SBF2: variants seen among roughly 807,000 people sequenced by gnomAD.
SBF2 encodes the protein SET binding factor 2.
Under a neutral mutation model 225.2 loss-of-function variants are expected in SBF2, and 112 were observed. That is an observed-to-expected ratio of 0.50 (90% CI 0.43 to 0.58). The LOEUF (loss-of-function observed/expected upper bound fraction) is 0.58, where lower values mean the gene tolerates loss of function less well. Among genes scored for constraint, SBF2 ranks in the 20% least tolerant of loss-of-function variants. The probability of loss-of-function intolerance (pLI) is 0.00; values close to 1 mark genes in which losing one functional copy is unlikely to be tolerated. For synonymous variants in SBF2, 763 were observed against 773.3 expected, an observed-to-expected ratio of 0.99 and a Z score of 0.22; for missense variants, 1,996 against 2,206.2, an observed-to-expected ratio of 0.90 and a Z score of 1.91.
intron 16 of SBF2, among the ~76,000 whole-genome samples, chr11:9,901,175 C>A (rs1273463744): frequency 2.0e-5 from 3 of 152,018 alleles, no homozygotes; most frequent in Non-Finnish European, 2.9e-5. Context: ...AATAAATTGG[C>A]AAGAAAGCAA....
At chr11:9,837,748 T>G (rs1855823209) in intron 26 of SBF2, among the ~76,000 whole-genome samples, 1 of 151,828 alleles carries the variant, frequency 6.6e-6, no homozygotes, top group East Asian at 1.9e-4. Flanking sequence ...GCAGAAAGCT[T>G]TTTTTTTGGA....
intron 1 of SBF2, among the ~76,000 whole-genome samples, chr11:10,223,395 C>T (rs1490031761): frequency 1.3e-5 from 1 of 77,484 alleles, no homozygotes; most frequent in African/African-American, 4.9e-5. Flanking sequence ...ACATATTTTG[C>T]ACATTATATA....
intron 2 of SBF2, among the ~76,000 whole-genome samples, chr11:10,111,375 T>C (rs1952832766): frequency 6.6e-6 from 1 of 152,196 alleles, no homozygotes; most frequent in South Asian, 2.1e-4. Flanking sequence ...CAAGAATATA[T>C]GTTTTAGGCT....
At chr11:9,792,812 G>GT (rs1274998981) in intron 33 of SBF2, among the ~76,000 whole-genome samples, 2 of 151,978 alleles carry the variant, frequency 1.3e-5, no homozygotes, top group African/African-American at 4.8e-5. Context: ...GAGTGCAGTG[G>GT]TGTGATCTCG....
At chr11:10,013,209 A>G (rs560266528) in intron 6 of SBF2, among the ~76,000 whole-genome samples, 80 of 152,346 alleles carry the variant, frequency 5.3e-4, no homozygotes, top group African/African-American at 1.9e-3. Flanking sequence ...TAATTCAGAC[A>G]GGCATCTGAC....
At chr11:9,858,417 C>T in intron 17 of SBF2, 21 bp from the exon 18 acceptor site, 1 of 1,613,554 alleles carries the variant, frequency 6.2e-7, no homozygotes, top group Middle Eastern at 1.7e-4. Context: ...ACACAAAATA[C>T]ATCATCATGG....
At chr11:9,832,165 T>C in intron 27 of SBF2, 59 bp downstream of exon 27, 1 of 1,492,402 alleles carries the variant, frequency 6.7e-7, no homozygotes, top group Non-Finnish European at 9.3e-7. Flanking sequence ...TTACTTCCTT[T>C]ATTTTTAGCA....
intron 1 of SBF2, among the ~76,000 whole-genome samples, chr11:10,257,921 C>T (rs933576890): frequency 1.3e-5 from 2 of 152,030 alleles, no homozygotes; most frequent in Non-Finnish European, 2.9e-5. Context: ...CGCGCCAGTG[C>T]ACTCCAGCCT....
intron 28 of SBF2, among the ~76,000 whole-genome samples, chr11:9,824,267 A>C (rs1241964518): frequency 6.6e-6 from 1 of 152,164 alleles, no homozygotes; most frequent in Admixed American, 6.5e-5. Flanking sequence ...TAGTTGAAAA[A>C]GATTGTTAAG....
intron 17 of SBF2, among the ~76,000 whole-genome samples, chr11:9,884,751 C>T (rs957188429): frequency 3.9e-5 from 6 of 152,206 alleles, no homozygotes; most frequent in African/African-American, 1.4e-4. Context: ...CCATTTCTGA[C>T]TTTCTGCTTA....
In SBF2 at chr11:10,098,295, C is replaced by T. The variant is rs538483930; in HGVS notation, c.142-55314G>A. Among the ~76,000 whole-genome samples the T allele has an allele frequency of 3.3e-5, 5 of 152,024 alleles. No individual in the cohort carries two copies. In the South Asian group the frequency reaches 1.0e-3, roughly 32 times the overall value. ...GAGAAGGAATGTAAACCTAAGATTT[C>T]TTCCCTGAAAAAGGGAAGAAGTAGA... On this transcript the variant is annotated intron_variant, in intron 2 of 39. Coordinates refer to ENST00000256190, the MANE Select transcript of SBF2 (RefSeq NM_030962.4).
At chr11:9,812,470 G>A in intron 30 of SBF2, 62 bp downstream of exon 30, 3 of 1,549,158 alleles carry the variant, frequency 1.9e-6, no homozygotes, top group Non-Finnish European at 8.9e-7. Context: ...ATACAGTTCT[G>A]TATATCTACT....
At position 10,085,741 on chromosome 11, in the gene SBF2, C is replaced by T. The variant is rs1024579964; in HGVS notation, c.142-42760G>A. On this transcript the variant is annotated intron_variant, in intron 2 of 39. Transcript: ENST00000256190. Reference sequence around the variant, plus strand: ...GATTTTGAATACTGTTTTAATGGCTCGTTTTGAGTGGAAGATGTTTTTCTG... The same window carrying T: ...GATTTTGAATACTGTTTTAATGGCTTGTTTTGAGTGGAAGATGTTTTTCTG... 3.9e-5 allele frequency among the ~76,000 whole-genome samples: 6 copies of T among 152,154 alleles called. No homozygotes were observed. The East Asian group carries it at 7.7e-4, about 20-fold the overall frequency.
At chr11:10,244,137 C>T (rs1959522369) in intron 1 of SBF2, among the ~76,000 whole-genome samples, 1 of 152,184 alleles carries the variant, frequency 6.6e-6, no homozygotes, top group South Asian at 2.1e-4. Context: ...ATACATAACT[C>T]AAGACAAGTG....
chr11:10,289,426 T>C (rs1285286425), intron 1 of SBF2, among the ~76,000 whole-genome samples: 1 of 152,078 alleles, frequency 6.6e-6, no homozygotes, highest in Non-Finnish European at 1.5e-5. Context: ...CCGTGGAGTG[T>C]GCAGCCCTAG....
chr11:10,068,417 T>G (rs901693304), intron 2 of SBF2, among the ~76,000 whole-genome samples: 7 of 152,166 alleles, frequency 4.6e-5, no homozygotes. Flanking sequence ...AGCTGTGACT[T>G]TAGAAATACT....
In SBF2 at chr11:10,254,562, T is replaced by C. The variant is rs144404397; in HGVS notation, c.55+39453A>G. ...AAGTGTCTATCAACAGATGAATGAA[T>C]AAAGAAAATGTGGTATACATACACA... On this transcript the variant is annotated intron_variant, in intron 1 of 39. Coordinates refer to ENST00000256190, the MANE Select transcript of SBF2 (RefSeq NM_030962.4). Among the ~76,000 whole-genome samples, 573 of 148,570 alleles carry C rather than the reference T, an allele frequency of 3.9e-3. 4 individuals are homozygous for C. The highest frequency in any genetic ancestry group is 5.5e-3 in the South Asian group (26 of 4,720).
At chr11:10,194,036 C>T (rs1334355023) in intron 1 of SBF2, 49 bp from the exon 2 acceptor site, 2 of 1,131,626 alleles carry the variant, frequency 1.8e-6, no homozygotes, top group South Asian at 1.2e-5. Context: ...CTAAAAACTA[C>T]AAATACTCAT....
intron 17 of SBF2, among the ~76,000 whole-genome samples, chr11:9,882,719 A>G (rs1434772057): frequency 6.8e-6 from 1 of 147,992 alleles, no homozygotes; most frequent in Non-Finnish European, 1.5e-5. Context: ...AGGCAGGAGA[A>G]TCACTTGTAC....
Sources: gnomAD v4.1 joint callset for allele counts (sites outside exome capture counted in the v4.1 genomes callset) on GRCh38, gnomAD v4.1.1 for gene constraint, MANE v1.5 for transcripts, NCBI Gene and HGNC (gene_info 2026-07-23, HGNC 2026-07-21) for gene names.